The following MGAT4C variants were observed in gnomAD, a reference collection of about 807,000 sequenced individuals.
The protein encoded by MGAT4C is alpha-1,3-mannosyl-glycoprotein 4-beta-N-acetylglucosaminyltransferase C.
A neutral mutation model predicts 40.1 loss-of-function variants in MGAT4C; 19 were observed. The observed-to-expected ratio is 0.47, with a 90% CI of 0.33 to 0.70. MGAT4C has a LOEUF of 0.70. Ranked by LOEUF, MGAT4C falls within the 30% of genes least tolerant of loss-of-function variation. MGAT4C has a pLI of 0.02. For missense variants in MGAT4C, 491 were observed against 563.2 expected, an observed-to-expected ratio of 0.87 and a Z score of 1.30; for synonymous variants, 181 against 187.1, an observed-to-expected ratio of 0.97 and a Z score of 0.27.
chr12:86,805,767 T>A (rs1952341470), intron 1 of MGAT4C, among the ~76,000 whole-genome samples: 1 of 152,092 alleles, frequency 6.6e-6, no homozygotes, highest in South Asian at 2.1e-4. Context: ...CAAGTGGTAG[T>A]TCTGGTTTAA....
intron 3 of MGAT4C, among the ~76,000 whole-genome samples, chr12:86,401,185 C>T (rs554610132): frequency 1.3e-5 from 2 of 150,816 alleles, no homozygotes; most frequent in East Asian, 3.9e-4. Context: ...GTGTAAAATT[C>T]AGTTCATATA....
intron 2 of MGAT4C, among the ~76,000 whole-genome samples, chr12:86,618,432 T>A (rs1962529372): frequency 6.6e-6 from 1 of 152,166 alleles, no homozygotes; most frequent in African/African-American, 2.4e-5. Context: ...AATCTGTTCA[T>A]CAACAGATGA....
At chr12:86,445,042 T>A (rs1367696144) in intron 2 of MGAT4C, among the ~76,000 whole-genome samples, 2 of 152,152 alleles carry the variant, frequency 1.3e-5, no homozygotes, top group Non-Finnish European at 2.9e-5. Flanking sequence ...GTGGAAGAAT[T>A]GGTGTGAGGA....
chr12:86,814,123 G>T (rs2136219043), intron 1 of MGAT4C, among the ~76,000 whole-genome samples: 1 of 151,738 alleles, frequency 6.6e-6, no homozygotes, highest in Non-Finnish European at 1.5e-5. Flanking sequence ...TGTTGCCCAG[G>T]CTGGTCACAA....
chr12:86,164,518 A>G (rs1179006219), intron 1 of MGAT4C, among the ~76,000 whole-genome samples: 5 of 152,234 alleles, frequency 3.3e-5, no homozygotes, highest in African/African-American at 1.2e-4. Flanking sequence ...ACAGATAGAC[A>G]TTAATCAACT....
intron 1 of MGAT4C, chr12:86,744,981 G>T (rs993242798): frequency 6.6e-6 from 1 of 151,568 alleles, no homozygotes; most frequent in Non-Finnish European, 1.5e-5. Context: ...AATCCGTTCT[G>T]CATGCATCAG....
At chr12:86,749,879 T>G (rs1951207457) in intron 1 of MGAT4C, among the ~76,000 whole-genome samples, 1 of 151,820 alleles carries the variant, frequency 6.6e-6, no homozygotes, top group African/African-American at 2.4e-5. Context: ...ACTGAGAATA[T>G]AGATTTGCCT....
At chr12:86,468,687 T>C (rs1332743509) in intron 2 of MGAT4C, among the ~76,000 whole-genome samples, 3 of 152,124 alleles carry the variant, frequency 2.0e-5, no homozygotes, top group Non-Finnish European at 4.4e-5. Flanking sequence ...CATTTCCCCT[T>C]CCTCGGTTCT....
intron 1 of MGAT4C, among the ~76,000 whole-genome samples, chr12:86,195,761 A>T (rs1277925035): frequency 6.6e-6 from 1 of 152,156 alleles, no homozygotes; most frequent in Admixed American, 6.6e-5. Context: ...GGTCCAGGAG[A>T]TTATCAGATT....
At chr12:86,036,074 C>T (rs1891212174) in intron 2 of MGAT4C, among the ~76,000 whole-genome samples, 1 of 149,708 alleles carries the variant, frequency 6.7e-6, no homozygotes, top group African/African-American at 2.4e-5. Flanking sequence ...TTTTTGGTTC[C>T]ATATGAAATT....
At chr12:86,017,014 CATTGAGTTCATATCTGT>C (rs1218875344) in intron 2 of MGAT4C, among the ~76,000 whole-genome samples, 4 of 152,026 alleles carry the variant, frequency 2.6e-5, no homozygotes, top group Non-Finnish European at 5.9e-5. Context: ...GAACTCATAC[CATTGAGTTCATATCTGT>C]ACATCTCTTA....
At chr12:86,188,984 C>T (rs753645545) in intron 1 of MGAT4C, among the ~76,000 whole-genome samples, 1 of 151,740 alleles carries the variant, frequency 6.6e-6, no homozygotes, top group Non-Finnish European at 1.5e-5. Context: ...GGTAACTAGA[C>T]AGGTTTTGCT....
intron 2 of MGAT4C, among the ~76,000 whole-genome samples, chr12:86,459,837 C>T (rs920607219): frequency 6.6e-6 from 1 of 151,376 alleles, no homozygotes; most frequent in Non-Finnish European, 1.5e-5. Flanking sequence ...TCTACTCTCA[C>T]CCTAGGACAG....
At chr12:86,123,972 T>G (rs1474747239) in intron 1 of MGAT4C, among the ~76,000 whole-genome samples, 1 of 152,098 alleles carries the variant, frequency 6.6e-6, no homozygotes, top group Non-Finnish European at 1.5e-5. Context: ...TAAATTTCAT[T>G]TTTAATCATT....
intron 4 of MGAT4C, among the ~76,000 whole-genome samples, chr12:86,292,491 T>C (rs530167598): frequency 3.8e-4 from 57 of 151,880 alleles, no homozygotes; most frequent in Non-Finnish European, 6.8e-4. Context: ...TGGAAAACAC[T>C]GATTTTCAGC....
intron 2 of MGAT4C, among the ~76,000 whole-genome samples, chr12:86,461,121 T>C (rs1049607988): frequency 6.6e-6 from 1 of 152,100 alleles, no homozygotes; most frequent in Non-Finnish European, 1.5e-5. Context: ...GGAATAGGTA[T>C]AGATTTGACA....
At chr12:86,286,862 G>T (rs1041129565) in intron 4 of MGAT4C, among the ~76,000 whole-genome samples, 6 of 151,902 alleles carry the variant, frequency 3.9e-5, no homozygotes, top group African/African-American at 1.5e-4. Context: ...ACCCCTGTAA[G>T]TTCTCTTAGG....
At chr12:86,066,581 T>C (rs562114405) in intron 1 of MGAT4C, among the ~76,000 whole-genome samples, 205 of 152,100 alleles carry the variant, frequency 1.3e-3, no homozygotes, top group African/African-American at 4.6e-3. Context: ...TAAATACGTA[T>C]ATGTATGACC....
intron 3 of MGAT4C, among the ~76,000 whole-genome samples, chr12:86,409,992 A>C (rs1407794507): frequency 6.6e-6 from 1 of 152,144 alleles, no homozygotes; most frequent in Admixed American, 6.6e-5. Context: ...GTTTTTATTA[A>C]GGACTTTAAA....
Sources: gnomAD v4.1 joint callset for allele counts (sites outside exome capture counted in the v4.1 genomes callset) on GRCh38, gnomAD v4.1.1 for gene constraint, MANE v1.5 for transcripts, NCBI Gene and HGNC (gene_info 2026-07-23, HGNC 2026-07-21) for gene names.